The following EHBP1 variants were observed in gnomAD, a reference collection of about 807,000 sequenced individuals.
EHBP1 encodes EH domain binding protein 1.
A neutral mutation model predicts 144.0 loss-of-function variants in EHBP1; 55 were observed. The ratio of observed to expected loss-of-function variants is 0.38; its 90% CI spans 0.31 to 0.48. EHBP1 has a LOEUF of 0.48. EHBP1 is among the 20% of genes least tolerant of loss of function. The pLI, the probability that EHBP1 is intolerant of heterozygous loss-of-function variation, is 0.98. For missense variants in EHBP1, 1,200 were observed against 1,364.2 expected, an observed-to-expected ratio of 0.88 and a Z score of 1.90; for synonymous variants, 469 against 472.7, an observed-to-expected ratio of 0.99 and a Z score of 0.10.
intron 18 of EHBP1, among the ~76,000 whole-genome samples, chr2:62,995,452 C>A (rs1389305543): frequency 6.6e-6 from 1 of 152,020 alleles, no homozygotes; most frequent in Non-Finnish European, 1.5e-5. Flanking sequence ...ATTTATTAAT[C>A]ATGAGAATTC....
At chr2:63,017,849 T>C (rs1337383087) in intron 19 of EHBP1, among the ~76,000 whole-genome samples, 1 of 152,194 alleles carries the variant, frequency 6.6e-6, no homozygotes, top group Non-Finnish European at 1.5e-5. Flanking sequence ...TTAAAGAAAA[T>C]AGTAAATTTT....
Position 62,764,298 on chromosome 2 carries a change from C to G in EHBP1, c.195C>G (p.Pro65=). The change falls in exon 4 of 23, where the codon CCC becomes CCG. Residue 65 remains proline (P), a synonymous_variant. Coordinates refer to ENST00000431489, the MANE Select transcript of EHBP1 (RefSeq NM_001142616.3). The stretch of plus-strand genomic sequence containing the variant: ...GCTGGCAACCTGGAATAAAAAATCC[C>G]TATCGTGGTGTTGTTGTGTGGCCTG... The part of the protein sequence containing the change: ...AHSWQPGIKN[P]YRGVVVWPVP... The G allele has an allele frequency of 1.3e-6, 2 of 1,576,762 alleles. No individual in the cohort carries two copies. Among genetic ancestry groups the G allele is most frequent in the African/African-American group, 1.4e-5 (1 of 72,674 alleles).
At chr2:62,759,013 C>T (rs1013444920) in intron 3 of EHBP1, among the ~76,000 whole-genome samples, 3 of 152,100 alleles carry the variant, frequency 2.0e-5, no homozygotes, top group African/African-American at 7.2e-5. Context: ...TAACTCTGTA[C>T]TTAGTTCTGT....
At chr2:62,983,408 G>T (rs1359310019) in intron 15 of EHBP1, among the ~76,000 whole-genome samples, 1 of 151,906 alleles carries the variant, frequency 6.6e-6, no homozygotes, top group Non-Finnish European at 1.5e-5. Flanking sequence ...TACATATCAT[G>T]TCATATAGCA....
intron 9 of EHBP1, among the ~76,000 whole-genome samples, chr2:62,872,891 A>T (rs1234797979): frequency 6.6e-6 from 1 of 152,152 alleles, no homozygotes; most frequent in Non-Finnish European, 1.5e-5. Flanking sequence ...TAAGTTAGGG[A>T]TCTCTGATCT....
At chr2:62,797,138 A>T (rs2043595440) in intron 5 of EHBP1, among the ~76,000 whole-genome samples, 1 of 152,184 alleles carries the variant, frequency 6.6e-6, no homozygotes, top group Non-Finnish European at 1.5e-5. Flanking sequence ...TAGACATCAA[A>T]TACAAATTTC....
chr2:62,952,879 T>C (rs548364803), intron 13 of EHBP1, among the ~76,000 whole-genome samples: 1 of 152,278 alleles, frequency 6.6e-6, no homozygotes, highest in Non-Finnish European at 1.5e-5. Context: ...AATCTTTATC[T>C]CATTACATCC....
intron 4 of EHBP1, among the ~76,000 whole-genome samples, chr2:62,766,349 A>G (rs1017531029): frequency 2.0e-5 from 3 of 152,152 alleles, no homozygotes; most frequent in African/African-American, 7.2e-5. Context: ...TACGATCTCA[A>G]CTATGGCAAT....
intron 14 of EHBP1, among the ~76,000 whole-genome samples, chr2:62,957,411 A>G (rs1481167864): frequency 6.6e-5 from 10 of 152,156 alleles, no homozygotes; most frequent in Admixed American, 6.5e-4. Context: ...TAATTGTGAA[A>G]TATTGAAAGC....
chr2:62,844,298 C>T (rs2048136551), intron 7 of EHBP1, among the ~76,000 whole-genome samples: 1 of 152,172 alleles, frequency 6.6e-6, no homozygotes, highest in South Asian at 2.1e-4. Context: ...CTGAGACAGA[C>T]TCCCCTGCTA....
At chr2:62,680,055 T>C (rs1572854240) in intron 1 of EHBP1, among the ~76,000 whole-genome samples, 1 of 152,246 alleles carries the variant, frequency 6.6e-6, no homozygotes, top group Non-Finnish European at 1.5e-5. Flanking sequence ...TCCCTTATAA[T>C]TGTTTATCAA....
intron 10 of EHBP1, among the ~76,000 whole-genome samples, chr2:62,920,407 A>G (rs1036419147): frequency 6.6e-6 from 1 of 152,232 alleles, no homozygotes; most frequent in African/African-American, 2.4e-5. Flanking sequence ...GGAGAAATTA[A>G]GACATTCTCA....
intron 4 of EHBP1, among the ~76,000 whole-genome samples, chr2:62,767,411 G>A (rs1490469480): frequency 6.6e-6 from 1 of 151,860 alleles, no homozygotes; most frequent in East Asian, 1.9e-4. Flanking sequence ...ATAAAAGTAG[G>A]GTATGACCAG....
intron 9 of EHBP1, among the ~76,000 whole-genome samples, chr2:62,872,382 A>G (rs1456725461): frequency 6.6e-6 from 1 of 152,114 alleles, no homozygotes; most frequent in Non-Finnish European, 1.5e-5. Flanking sequence ...AAGTTCTGAA[A>G]TAGATTTTTC....
intron 13 of EHBP1, among the ~76,000 whole-genome samples, chr2:62,953,395 C>T (rs1422103119): frequency 1.3e-5 from 2 of 150,908 alleles, no homozygotes; most frequent in African/African-American, 2.4e-5. Context: ...AATTAAAAAT[C>T]AAGTTTTAGG....
chr2:62,770,655 G>A (rs953624531), intron 4 of EHBP1, among the ~76,000 whole-genome samples: 29 of 152,128 alleles, frequency 1.9e-4, no homozygotes, highest in African/African-American at 6.8e-4. Flanking sequence ...TCCCATTACC[G>A]GGTATATACC....
intron 5 of EHBP1, among the ~76,000 whole-genome samples, chr2:62,801,955 T>C (rs2044023842): frequency 6.6e-6 from 1 of 152,240 alleles, no homozygotes; most frequent in African/African-American, 2.4e-5. Flanking sequence ...AATCTAGGAC[T>C]CTGCCTTTTA....
At chr2:62,750,774 G>A (rs1398372621) in intron 3 of EHBP1, among the ~76,000 whole-genome samples, 1 of 152,018 alleles carries the variant, frequency 6.6e-6, no homozygotes, top group Non-Finnish European at 1.5e-5. Flanking sequence ...TCATGATTTG[G>A]CTCTCTGTTT....
intron 2 of EHBP1, among the ~76,000 whole-genome samples, chr2:62,739,061 C>G (rs371358777): frequency 2.0e-5 from 3 of 152,318 alleles, no homozygotes; most frequent in East Asian, 3.9e-4. Context: ...AAGCAAAGCA[C>G]TCCACTAAGC....
Sources: allele counts gnomAD v4.1 joint callset (sites outside exome capture counted in the v4.1 genomes callset), GRCh38; gene constraint gnomAD v4.1.1; transcripts MANE v1.5; gene names NCBI Gene and HGNC (gene_info 2026-07-23, HGNC 2026-07-21).